The following NRG4 variants were observed in gnomAD, a reference collection of about 807,000 sequenced individuals.
The protein encoded by NRG4 is neuregulin 4.
In NRG4, 10 loss-of-function variants were observed where a neutral mutation model predicts 15.0. That is an observed-to-expected ratio of 0.67 (90% CI 0.41 to 1.13). The LOEUF (loss-of-function observed/expected upper bound fraction) is 1.13. NRG4 is among the 50% of genes most tolerant of loss of function. The probability of loss-of-function intolerance (pLI) is 0.00; values close to 1 mark genes in which losing one functional copy is unlikely to be tolerated. For synonymous variants in NRG4, 41 were observed against 50.1 expected, an observed-to-expected ratio of 0.82 and a Z score of 0.77; for missense variants, 139 against 140.2, an observed-to-expected ratio of 0.99 and a Z score of 0.04.
intron 3 of NRG4, among the ~76,000 whole-genome samples, chr15:75,997,166 C>T (rs1016412194): frequency 5.9e-5 from 9 of 151,808 alleles, no homozygotes; most frequent in African/African-American, 2.2e-4. Flanking sequence ...CATTTCTGTA[C>T]AAAATTACAA....
At chr15:76,045,495 T>A (rs2035848809) in intron 4 of NRG4, among the ~76,000 whole-genome samples, 1 of 151,060 alleles carries the variant, frequency 6.6e-6, no homozygotes. Flanking sequence ...TGCAGCACTA[T>A]TCGCAAGAGC....
In NRG4 at chr15:76,009,182, C is replaced by T. The variant is rs11853771; in HGVS notation, c.104+18G>A. On this transcript the variant is annotated intron_variant, in intron 3 of 5. Coordinates refer to ENST00000394907, the MANE Select transcript of NRG4 (RefSeq NM_138573.4). ...TAAAAAATAAAGTTAACATCTCCCC[C>T]TAGTCCATTTCACTCACCTACAAAA... 1.0e-3 allele frequency: 1,168 copies of T among 1,167,306 alleles called. 11 individuals are homozygous for T. The African/African-American group carries it at 0.016, about 16-fold the overall frequency. 72.3% of individuals were successfully genotyped at this position (1,167,306 alleles called of 1,614,324 possible). A position where few individuals can be genotyped will look rare whatever the true frequency, so the allele number is the denominator to read the frequency against.
downstream of NRG4, chr15:75,935,761 C>A (rs931948258): frequency 6.6e-6 from 1 of 152,062 alleles, no homozygotes; most frequent in Admixed American, 6.6e-5. Flanking sequence ...CAAAGAATTA[C>A]AATAGAAATA....
At chr15:75,936,007 T>C (rs376158175), downstream of NRG4, 17 of 152,308 alleles carry the variant, frequency 1.1e-4, no homozygotes, top group Non-Finnish European at 2.2e-4. Flanking sequence ...CAAGATGGTC[T>C]CGATCTCCTG....
chr15:76,016,559 A>G (rs956090869), upstream of NRG4, among the ~76,000 whole-genome samples: 3 of 152,154 alleles, frequency 2.0e-5, no homozygotes, highest in Admixed American at 2.0e-4. Flanking sequence ...TTGGTTTCAA[A>G]GAACTTCTTT....
intron 5 of NRG4, among the ~76,000 whole-genome samples, chr15:75,955,340 A>T (rs571698904): frequency 3.5e-4 from 54 of 152,278 alleles, no homozygotes; most frequent in African/African-American, 1.2e-3. Context: ...CCAGGCAGTA[A>T]TCTAAGGCAA....
At chr15:75,944,769 G>GT (rs1491341314) in intron 5 of NRG4, among the ~76,000 whole-genome samples, 9 of 138,104 alleles carry the variant, frequency 6.5e-5, no homozygotes, top group African/African-American at 2.7e-4. Flanking sequence ...GTGTGTGTGT[G>GT]GGGGGGTGGT....
intron 5 of NRG4, among the ~76,000 whole-genome samples, chr15:75,953,433 T>G (rs915510427): frequency 1.3e-5 from 2 of 152,234 alleles, no homozygotes; most frequent in African/African-American, 2.4e-5. Flanking sequence ...CATAATAAGT[T>G]TAGAAATTAG....
chr15:75,981,440 C>T (rs912044601), intron 3 of NRG4, among the ~76,000 whole-genome samples: 1 of 152,124 alleles, frequency 6.6e-6, no homozygotes, highest in Non-Finnish European at 1.5e-5. Context: ...CTATTTTAAG[C>T]CACTGAGTTT....
chr15:75,951,880 T>G (rs1033907810), intron 5 of NRG4, among the ~76,000 whole-genome samples: 3 of 152,206 alleles, frequency 2.0e-5, no homozygotes, highest in African/African-American at 7.2e-5. Context: ...TTTACCCACA[T>G]AGTTGTCATT....
intron 5 of NRG4, among the ~76,000 whole-genome samples, chr15:76,020,592 T>C (rs936013377): frequency 5.9e-5 from 9 of 151,704 alleles, no homozygotes; most frequent in African/African-American, 1.9e-4. Flanking sequence ...ACACTAACAA[T>C]AGCTGATGAG....
chr15:76,014,477 G>A (rs1029767658), upstream of NRG4, among the ~76,000 whole-genome samples: 3 of 152,122 alleles, frequency 2.0e-5, no homozygotes, highest in African/African-American at 7.2e-5. Flanking sequence ...ATGGCTTTAC[G>A]TTTTAGGTGT....
rs112996785 is a variant in NRG4 at position 76,037,216 on chromosome 15, C to A, written c.-104-1225G>T. 5.7e-3 allele frequency among the ~76,000 whole-genome samples: 874 copies of A among 152,174 alleles called. 7 individuals are homozygous for A. The highest frequency in any genetic ancestry group is 9.4e-3 in the Non-Finnish European group (636 of 67,980). ...CAAATTCAACAACTATCTACACACA[C>A]AAAAAAAGCACCTTTATAAGAACCA... On this transcript the variant is annotated intron_variant, in intron 4 of 8. Transcript: ENST00000563910.
chr15:76,017,528 G>C (rs1414583683), intron 5 of NRG4, among the ~76,000 whole-genome samples: 1 of 152,082 alleles, frequency 6.6e-6, no homozygotes, highest in Non-Finnish European at 1.5e-5. Context: ...AAGCAGGCCT[G>C]GTGGTGACAA....
chr15:75,973,054 T>C (rs1567084624), intron 3 of NRG4, among the ~76,000 whole-genome samples: 1 of 152,192 alleles, frequency 6.6e-6, no homozygotes, highest in Non-Finnish European at 1.5e-5. Context: ...CCTTGAGCAG[T>C]GTTTTGTAGT....
chr15:75,956,464 G>A (rs2032248640), intron 4 of NRG4, among the ~76,000 whole-genome samples: 1 of 152,020 alleles, frequency 6.6e-6, no homozygotes, highest in South Asian at 2.1e-4. Context: ...TGAGGTAACA[G>A]TACATCAGGT....
intron 4 of NRG4, among the ~76,000 whole-genome samples, chr15:75,958,114 G>A (rs946352903): frequency 7.2e-5 from 11 of 151,980 alleles, no homozygotes; most frequent in African/African-American, 1.7e-4. Flanking sequence ...CCAGGTTCAC[G>A]CCATTCTCCT....
intron 4 of NRG4, among the ~76,000 whole-genome samples, chr15:75,960,157 T>G (rs562444330): frequency 6.6e-6 from 1 of 152,298 alleles, no homozygotes; most frequent in East Asian, 1.9e-4. Flanking sequence ...ACACAATTCA[T>G]TATCCAATCA....
chr15:76,042,492 C>G (rs1468787300), intron 4 of NRG4, among the ~76,000 whole-genome samples: 1 of 152,030 alleles, frequency 6.6e-6, no homozygotes, highest in Non-Finnish European at 1.5e-5. Flanking sequence ...ACCAATACTA[C>G]AGAAATTCAA....
Sources: gnomAD v4.1 joint callset for allele counts (sites outside exome capture counted in the v4.1 genomes callset) on GRCh38, gnomAD v4.1.1 for gene constraint, MANE v1.5 for transcripts, NCBI Gene and HGNC (gene_info 2026-07-23, HGNC 2026-07-21) for gene names.